BRD8: variants seen among roughly 807,000 people sequenced by gnomAD.
BRD8 encodes the protein bromodomain containing 8, also known as bromodomain-containing protein 8.
A neutral mutation model predicts 143.1 loss-of-function variants in BRD8; 67 were observed. The observed-to-expected ratio is 0.47, with a 90% confidence interval of 0.38 to 0.57. BRD8 has a LOEUF of 0.57. Ranked by LOEUF, BRD8 falls within the 20% of genes least tolerant of loss-of-function variation. The pLI is 0.00. For synonymous variants in BRD8, 505 were observed against 517.1 expected (o/e 0.98, Z 0.32); for missense variants, 1,103 against 1,503.0 (o/e 0.73, Z 4.40).
At chr5:138,153,043 A>G (rs1270311756) in intron 20 of BRD8, among the ~76,000 whole-genome samples, 1 of 152,202 alleles carries the variant, frequency 6.6e-6, no homozygotes, top group Non-Finnish European at 1.5e-5. Context: ...TTTTACTTGG[A>G]ATTCCTCATA....
At chr5:138,161,292 G>A (rs1752980176) in intron 17 of BRD8, 1 of 400,128 alleles carries the variant, frequency 2.5e-6, no homozygotes, top group Non-Finnish European at 4.5e-6. Context: ...GTTTTTTTTG[G>A]AGACAGGGCC....
At position 138,167,681 on chromosome 5, in the gene BRD8, GC is replaced by G. The variant is rs1753548357; in HGVS notation, c.787+252del. ...TATCTCTAGCACCTTGATTTTGCAA[GC>G]CCTAAGAAAGCAGTTCAATATTACT... On this transcript the variant is annotated intron_variant, in intron 9 of 26. Transcript: ENST00000254900. 7 of 405,880 alleles carry G rather than the reference GC, an allele frequency of 1.7e-5. No individual in the cohort carries two copies. The South Asian group carries it at 2.0e-4, about 11-fold the overall frequency. The allele number at this position is 405,880 out of a possible 1,614,324, so 25.1% of individuals were successfully genotyped here. A position where few individuals can be genotyped will look rare whatever the true frequency, so the allele number is the denominator to read the frequency against.
At chr5:138,167,008 G>A (rs1753483569) in intron 9 of BRD8, 1 of 256,522 alleles carries the variant, frequency 3.9e-6, no homozygotes, top group Non-Finnish European at 7.6e-6. Context: ...CACTTTGGGA[G>A]GCCGAGGCAG....
intron 4 of BRD8, 36 bp downstream of exon 4, chr5:138,171,325 A>C: frequency 6.4e-7 from 1 of 1,571,416 alleles, no homozygotes; most frequent in Non-Finnish European, 8.7e-7. Context: ...CTCTCCACTA[A>C]AGAAATATGG....
intron 10 of BRD8, 116 bp downstream of exon 10, chr5:138,166,402 C>T (rs1279762238): frequency 9.0e-6 from 6 of 667,746 alleles, no homozygotes; most frequent in African/African-American, 3.6e-5. Flanking sequence ...AAAGATGGCA[C>T]ATGTCTATGT....
At chr5:138,157,358 G>A in intron 20 of BRD8, 1 of 1,538,154 alleles carries the variant, frequency 6.5e-7, no homozygotes, top group South Asian at 1.1e-5. Flanking sequence ...GGTTTCTTGG[G>A]GGAGAGGGAA....
At position 138,152,671 on chromosome 5, in the gene BRD8, T is replaced by C. The variant is rs374530177; in HGVS notation, c.2667A>G (p.Ser889=). 9.9e-6 allele frequency: 16 copies of C among 1,614,076 alleles called. No homozygotes were observed. Among genetic ancestry groups the C allele is most frequent in the Non-Finnish European group, 1.4e-5 (16 of 1,180,056 alleles). The part of the protein sequence containing the change: ...LSNDCRSLFS[S]WDSSLDLDVG... ...CATCAAGATCCAGACTGGAGTCCCA[T>C]GAGCTGAAGAGGGACCTGCAGTCAT... The change falls in exon 21 of 27, where the codon TCA becomes TCG. Residue 889 remains serine (S), a synonymous_variant. Transcript: ENST00000254900.
intron 24 of BRD8, 50 bp from the exon 25 acceptor site, chr5:138,145,295 C>G (rs1218371860): frequency 6.4e-7 from 1 of 1,561,182 alleles, no homozygotes; most frequent in South Asian, 1.1e-5. Flanking sequence ...GCAAGGCACT[C>G]TGAAGGAGAA....
At chr5:138,175,175 C>T (rs541693771) in intron 2 of BRD8, among the ~76,000 whole-genome samples, 4 of 152,266 alleles carry the variant, frequency 2.6e-5, no homozygotes, top group South Asian at 2.1e-4. Context: ...TGAGCCACTG[C>T]GCCCGGCCTT....
chr5:138,164,162 AT>A (rs938985903), intron 13 of BRD8, 29 bp from the exon 14 acceptor site: 101 of 1,612,308 alleles, frequency 6.3e-5, no homozygotes, highest in Non-Finnish European at 8.2e-5. Context: ...CTACCTGAAG[AT>A]TTTTCCACCT....
In BRD8 at chr5:138,170,817, T is replaced by C. The variant is rs1239102029; in HGVS notation, c.440+15A>G. The C allele has an allele frequency of 1.2e-6, 2 of 1,606,856 alleles. No individual in the cohort carries two copies. The highest frequency in any genetic ancestry group is 2.2e-5 in the East Asian group (1 of 44,856). ...AAAAGAAAGAAGCACAGAAGAACAATATAATATAACCCACGTTGCAATGTC... is the reference window on the plus strand; with the variant it reads ...AAAAGAAAGAAGCACAGAAGAACAACATAATATAACCCACGTTGCAATGTC... On this transcript the variant is annotated intron_variant, in intron 6 of 26. Coordinates refer to ENST00000254900, the MANE Select transcript of BRD8 (RefSeq NM_139199.2).
chr5:138,145,868 T>A lies in BRD8; in HGVS notation c.3289A>T (p.Ser1097Cys). ...TGATCCTGAACAGGGTCATCCTGGC[T>A]TAGATCAGTCCTATGAGGATAAAAC... ...HATSSKLTDL[S>C]QDDPVQDHLL... The change falls in exon 24 of 27, where the codon AGC becomes TGC. Residue 1097 changes from serine (S) to cysteine (C), a missense_variant. Physicochemically the swap from Ser to Cys is moderately radical, Grantham distance 112. Coordinates refer to ENST00000254900, the MANE Select transcript of BRD8 (RefSeq NM_139199.2). 6.2e-7 allele frequency: 1 copy of A among 1,613,692 alleles called. No homozygotes were observed. The highest frequency in any genetic ancestry group is 8.5e-7 in the Non-Finnish European group (1 of 1,179,692).
intron 3 of BRD8, among the ~76,000 whole-genome samples, chr5:138,171,630 T>C (rs1753871769): frequency 6.6e-6 from 1 of 152,160 alleles, no homozygotes; most frequent in Non-Finnish European, 1.5e-5. Context: ...GTTTGTGCAT[T>C]TGCGGAAAGG....
intron 9 of BRD8, 31 bp from the exon 10 acceptor site, chr5:138,166,758 TAAG>T (rs1292018560): frequency 7.4e-7 from 1 of 1,349,504 alleles, no homozygotes; most frequent in Non-Finnish European, 1.1e-6. Context: ...CAAAATGAAG[TAAG>T]AAGAAAGCAC....
intron 11 of BRD8, among the ~76,000 whole-genome samples, 183 bp downstream of exon 11, chr5:138,165,645 G>C (rs1753343051): frequency 6.6e-6 from 1 of 151,498 alleles, no homozygotes. Flanking sequence ...AGAATTACTT[G>C]AGGCTGGGAG....
chr5:138,176,210 G>A (rs1392253198), intron 2 of BRD8, among the ~76,000 whole-genome samples: 3 of 151,926 alleles, frequency 2.0e-5, no homozygotes, highest in African/African-American at 4.8e-5. Flanking sequence ...AAAGTGTTAT[G>A]TCAAGTGATT....
intron 25 of BRD8, among the ~76,000 whole-genome samples, chr5:138,144,597 A>T (rs1028093686): frequency 1.3e-5 from 2 of 152,120 alleles, no homozygotes; most frequent in African/African-American, 4.8e-5. Context: ...CCAAAGGCTA[A>T]TTTAAGATTA....
intron 8 of BRD8, chr5:138,168,535 G>A (rs1447090942): frequency 1.2e-6 from 2 of 1,609,902 alleles, no homozygotes; most frequent in Non-Finnish European, 1.7e-6. Context: ...GGGGAGGGGG[G>A]TGGAGTTGCT....
At chr5:138,172,665 C>CAAA (rs147364810) in intron 2 of BRD8, 118 of 216,700 alleles carry the variant, frequency 5.4e-4, no homozygotes, top group South Asian at 7.9e-4. Flanking sequence ...CCCATCCCTA[C>CAAA]AAAAAAAAAA....
Sources: gnomAD v4.1 joint callset for allele counts (sites outside exome capture counted in the v4.1 genomes callset) on GRCh38, gnomAD v4.1.1 for gene constraint, MANE v1.5 for transcripts, NCBI Gene and HGNC (gene_info 2026-07-23, HGNC 2026-07-21) for gene names.